Variants in TSGA10 observed in about 807,000 individuals in gnomAD.
The protein encoded by TSGA10 is testis-specific gene 10 protein.
Under a neutral mutation model 96.6 loss-of-function variants are expected in TSGA10, and 43 were observed. The ratio of observed to expected loss-of-function variants is 0.44; its 90% CI spans 0.35 to 0.57. The LOEUF (loss-of-function observed/expected upper bound fraction) is 0.57. Among genes scored for constraint, TSGA10 ranks in the 20% least tolerant of loss-of-function variants. The probability of loss-of-function intolerance (pLI) is 0.01; values close to 1 mark genes in which losing one functional copy is unlikely to be tolerated. For missense variants in TSGA10, 703 were observed against 834.4 expected (o/e 0.84, Z 1.94); for synonymous variants, 229 against 269.9 (o/e 0.85, Z 1.48).
At chr2:99,143,847 C>T (rs182164903) in intron 1 of TSGA10, among the ~76,000 whole-genome samples, 105 of 152,166 alleles carry the variant, frequency 6.9e-4, no homozygotes, top group African/African-American at 2.5e-3. Flanking sequence ...TTTCTAGTCC[C>T]TTAATTTTTC....
intron 16 of TSGA10, among the ~76,000 whole-genome samples, chr2:99,036,128 GT>G (rs2081606566): frequency 6.6e-6 from 1 of 152,064 alleles, no homozygotes; most frequent in South Asian, 2.1e-4. Flanking sequence ...CTACAGAGAA[GT>G]ATTTGTTTGC....
intron 20 of TSGA10, among the ~76,000 whole-genome samples, chr2:99,001,283 G>A (rs2077883908): frequency 6.6e-6 from 1 of 152,118 alleles, no homozygotes; most frequent in Admixed American, 6.5e-5. Flanking sequence ...CCAGAGGAAG[G>A]ATCAGGCAGC....
At chr2:99,070,715 C>T (rs1318546464) in intron 14 of TSGA10, among the ~76,000 whole-genome samples, 1 of 152,100 alleles carries the variant, frequency 6.6e-6, no homozygotes, top group African/African-American at 2.4e-5. Context: ...GCAAACCTTA[C>T]AAATTCCCAT....
In TSGA10 at chr2:99,109,407, G is replaced by A; in HGVS notation, c.33C>T (p.Arg11=). The change falls in exon 6 of 21, where the codon CGC becomes CGT. Residue 11 remains arginine, a synonymous_variant. Coordinates refer to ENST00000393483, the MANE Select transcript of TSGA10 (RefSeq NM_025244.4). MMRSRSKSPR[R]PSPTARGANC... ...AACCTACCCGGGCAGTTGGTGATGG[G>A]CGTCTTGGACTTTTAGACCTACTTC... The A allele has an allele frequency of 6.2e-7, 1 of 1,614,002 alleles. No individual in the cohort carries two copies. The highest frequency in any genetic ancestry group is 8.5e-7 in the Non-Finnish European group (1 of 1,179,908).
At chr2:99,081,175 A>T in intron 11 of TSGA10, 107 bp downstream of exon 11, 1 of 514,966 alleles carries the variant, frequency 1.9e-6, no homozygotes, top group Non-Finnish European at 3.3e-6. Flanking sequence ...AAACTTAGTT[A>T]AGGGCTTGTT....
intron 20 of TSGA10, among the ~76,000 whole-genome samples, chr2:99,000,800 A>G (rs919755191): frequency 6.6e-6 from 1 of 152,104 alleles, no homozygotes; most frequent in Non-Finnish European, 1.5e-5. Context: ...TGGTCTTTGC[A>G]AACAGCACAC....
At chr2:99,087,364 G>T (rs1215795265) in intron 10 of TSGA10, among the ~76,000 whole-genome samples, 1 of 151,444 alleles carries the variant, frequency 6.6e-6, no homozygotes, top group Non-Finnish European at 1.5e-5. Context: ...AAATTAGCCT[G>T]GTGTAGTGGC....
chr2:99,069,918 G>A (rs935252251), intron 14 of TSGA10, among the ~76,000 whole-genome samples: 8 of 151,508 alleles, frequency 5.3e-5, no homozygotes, highest in Admixed American at 6.6e-5. Context: ...AAAAAAAATC[G>A]TGCTAAAACA....
At chr2:99,087,151 C>G (rs554445207) in intron 10 of TSGA10, among the ~76,000 whole-genome samples, 226 of 151,982 alleles carry the variant, frequency 1.5e-3, no homozygotes, top group Middle Eastern at 3.4e-3. Flanking sequence ...TTGCAGTGAG[C>G]CAAGATCATG....
At chr2:99,102,336 G>C in intron 10 of TSGA10, 1 of 1,612,314 alleles carries the variant, frequency 6.2e-7, no homozygotes, top group Non-Finnish European at 8.5e-7. Context: ...GAGTGAGAGG[G>C]GTTCTAGCTC....
intron 1 of TSGA10, among the ~76,000 whole-genome samples, chr2:99,150,177 T>G (rs995428412): frequency 2.0e-5 from 3 of 152,206 alleles, no homozygotes; most frequent in Non-Finnish European, 4.4e-5. Flanking sequence ...CGTTATTTCT[T>G]TAGCCCATTA....
intron 1 of TSGA10, among the ~76,000 whole-genome samples, chr2:99,145,563 G>GAAA (rs58490482): frequency 9.6e-5 from 14 of 145,282 alleles, no homozygotes; most frequent in South Asian, 2.2e-4. Flanking sequence ...GTCCCAAAAA[G>GAAA]AAAAAAAAAA....
At chr2:99,146,685 A>G (rs938930051) in intron 1 of TSGA10, among the ~76,000 whole-genome samples, 5 of 151,978 alleles carry the variant, frequency 3.3e-5, no homozygotes, top group Non-Finnish European at 7.4e-5. Flanking sequence ...CTGGAGTGCA[A>G]TGGTATGATC....
At chr2:99,000,049 C>T (rs1490295172) in intron 20 of TSGA10, among the ~76,000 whole-genome samples, 1 of 152,178 alleles carries the variant, frequency 6.6e-6, no homozygotes, top group African/African-American at 2.4e-5. Context: ...AGCAACCACG[C>T]CCAGTGTAAT....
At chr2:99,144,837 G>A (rs1288113348) in intron 1 of TSGA10, among the ~76,000 whole-genome samples, 2 of 152,056 alleles carry the variant, frequency 1.3e-5, no homozygotes, top group Admixed American at 1.3e-4. Context: ...TAAGTGCAAA[G>A]GTCCTGAAGC....
At chr2:99,009,142 G>T (rs562924181) in intron 20 of TSGA10, among the ~76,000 whole-genome samples, 1 of 151,970 alleles carries the variant, frequency 6.6e-6, no homozygotes, top group East Asian at 1.9e-4. Context: ...AAACTAGGAA[G>T]TGGAAATATG....
At chr2:99,099,527 C>T (rs1305282265) in intron 10 of TSGA10, among the ~76,000 whole-genome samples, 2 of 151,956 alleles carry the variant, frequency 1.3e-5, no homozygotes, top group Non-Finnish European at 2.9e-5. Flanking sequence ...CACATTTTAA[C>T]AGAATAAGGG....
intron 10 of TSGA10, chr2:99,102,279 G>C: frequency 2.5e-6 from 4 of 1,612,014 alleles, no homozygotes; most frequent in Non-Finnish European, 3.4e-6. Flanking sequence ...GAAGAAAGGA[G>C]ATGTGGAGGG....
chr2:98,998,824 G>A (rs2077649869), intron 20 of TSGA10, among the ~76,000 whole-genome samples: 1 of 152,122 alleles, frequency 6.6e-6, no homozygotes, highest in East Asian at 1.9e-4. Context: ...TAGAAGCTGG[G>A]GTAAGGATAT....
Sources: allele counts gnomAD v4.1 joint callset (sites outside exome capture counted in the v4.1 genomes callset), GRCh38; gene constraint gnomAD v4.1.1; transcripts MANE v1.5; gene names NCBI Gene and HGNC (gene_info 2026-07-23, HGNC 2026-07-21).